FAT3: variants seen among roughly 807,000 people sequenced by gnomAD.
FAT3 encodes FAT atypical cadherin 3.
FAT3 carries 95 observed loss-of-function variants against 310.2 expected under a neutral mutation model. The observed-to-expected ratio is 0.31, with a 90% CI of 0.26 to 0.36. The LOEUF (loss-of-function observed/expected upper bound fraction) is 0.36, where lower values mean the gene tolerates loss of function less well. Among genes scored for constraint, FAT3 ranks in the 10% least tolerant of loss-of-function variants. The pLI, the probability that FAT3 is intolerant of heterozygous loss-of-function variation, is 1.00. For synonymous variants in FAT3, 2,314 were observed against 2,192.9 expected (o/e 1.06, Z -1.54); for missense variants, 5,408 against 5,715.6 (o/e 0.95, Z 1.74).
rs1949262695 is a variant in FAT3, at chr11:92,866,931, T to C, written c.11849T>C (p.Leu3950Pro). Residue 3950 changes from leucine to proline, a missense_variant, in exon 22 of 28, where the codon CTG becomes CCG. Around this residue, in one of 5 missense-constraint regions of FAT3, gnomAD observed 4,588 missense variants for 4,809.8 expected, o/e 0.95. Transcript: ENST00000525166. ...CGGGCGCCCCTCTACTTCCAGACGCTGAGCACTGAGAGTAGCATCTACTTC... is the reference window on the plus strand; with the variant it reads ...CGGGCGCCCCTCTACTTCCAGACGCCGAGCACTGAGAGTAGCATCTACTTC... Reference protein sequence around the residue: ...RRRAPLYFQTLSTESSIYFGA... With the variant: ...RRRAPLYFQTPSTESSIYFGA... The C allele has an allele frequency of 2.5e-6, 4 of 1,613,758 alleles. No homozygotes were observed. In the South Asian group the frequency reaches 3.3e-5, roughly 13 times the overall value.
At chr11:92,609,065 C>T (rs1317692714) in intron 3 of FAT3, among the ~76,000 whole-genome samples, 8 of 152,276 alleles carry the variant, frequency 5.3e-5, no homozygotes, top group East Asian at 3.9e-4. Flanking sequence ...CTGTTTCAAA[C>T]GCTCTTTACA....
At chr11:92,802,525 A>G (rs972048910) in intron 10 of FAT3, among the ~76,000 whole-genome samples, 5 of 152,224 alleles carry the variant, frequency 3.3e-5, no homozygotes, top group African/African-American at 1.2e-4. Context: ...AGACAAAGTC[A>G]GTCATTAGGA....
At chr11:92,558,671 T>C (rs1955106683) in intron 3 of FAT3, among the ~76,000 whole-genome samples, 1 of 152,146 alleles carries the variant, frequency 6.6e-6, no homozygotes, top group Admixed American at 6.5e-5. Flanking sequence ...AAATTGTTTG[T>C]GTAGTGTTTT....
At chr11:92,252,528 A>C (rs1377705415) in intron 1 of FAT3, among the ~76,000 whole-genome samples, 1 of 152,142 alleles carries the variant, frequency 6.6e-6, no homozygotes, top group Non-Finnish European at 1.5e-5. Context: ...GATGACATCA[A>C]AGAGAGAACA....
intron 13 of FAT3, among the ~76,000 whole-genome samples, chr11:92,825,570 G>A (rs1948080982): frequency 6.6e-6 from 1 of 152,108 alleles, no homozygotes; most frequent in Non-Finnish European, 1.5e-5. Context: ...AGATGTGTGG[G>A]GGGCCTTCAG....
chr11:92,553,677 CTT>C, intron 3 of FAT3, among the ~76,000 whole-genome samples: 1 of 31,980 alleles, frequency 3.1e-5, no homozygotes. Context: ...ATCTCCGTCC[CTT>C]CCTTCCTTCC....
chr11:92,824,046 C>T (rs976729046), intron 13 of FAT3, among the ~76,000 whole-genome samples: 1 of 152,074 alleles, frequency 6.6e-6, no homozygotes, highest in African/African-American at 2.4e-5. Flanking sequence ...ATTTTGTTTG[C>T]TTAATTTAAG....
intron 1 of FAT3, among the ~76,000 whole-genome samples, chr11:92,255,951 G>C (rs963648348): frequency 6.6e-6 from 1 of 152,120 alleles, no homozygotes; most frequent in East Asian, 1.9e-4. Context: ...AAATGTGGAG[G>C]TGACATCTAC....
intron 13 of FAT3, among the ~76,000 whole-genome samples, chr11:92,829,399 T>C (rs1948182330): frequency 6.6e-6 from 1 of 152,334 alleles, no homozygotes; most frequent in Non-Finnish European, 1.5e-5. Context: ...GTGCTGTATT[T>C]ATGTCAATCG....
chr11:92,601,796 G>A (rs1390940066), intron 3 of FAT3, among the ~76,000 whole-genome samples: 12 of 152,100 alleles, frequency 7.9e-5, no homozygotes, highest in Non-Finnish European at 1.5e-5. Context: ...AGAGTTTAGG[G>A]TTGAAATAAA....
chr11:92,656,093 G>A (rs1942571469), intron 3 of FAT3, among the ~76,000 whole-genome samples: 1 of 152,120 alleles, frequency 6.6e-6, no homozygotes, highest in African/African-American at 2.4e-5. Flanking sequence ...GGGGTTATGA[G>A]CCCCTAGAAC....
At chr11:92,361,776 G>C (rs1323590318) in intron 2 of FAT3, among the ~76,000 whole-genome samples, 1 of 152,220 alleles carries the variant, frequency 6.6e-6, no homozygotes, top group Admixed American at 6.5e-5. Flanking sequence ...GACATAGCAC[G>C]TGACAGCTCT....
intron 3 of FAT3, among the ~76,000 whole-genome samples, chr11:92,677,255 T>C (rs543675146): frequency 3.0e-4 from 45 of 152,280 alleles, no homozygotes; most frequent in Non-Finnish European, 5.3e-4. Context: ...AGTGACATGA[T>C]AGAAGAAAAG....
At chr11:92,385,927 C>G (rs1355275505) in intron 2 of FAT3, among the ~76,000 whole-genome samples, 2 of 152,036 alleles carry the variant, frequency 1.3e-5, no homozygotes, top group East Asian at 3.9e-4. Context: ...GGGCGGATCA[C>G]TTGAGTCCAG....
intron 3 of FAT3, among the ~76,000 whole-genome samples, chr11:92,543,759 C>T (rs1954526762): frequency 6.6e-6 from 1 of 152,088 alleles, no homozygotes; most frequent in African/African-American, 2.4e-5. Flanking sequence ...ATTGTTCTGC[C>T]TTGATTTGTA....
chr11:92,624,732 C>T (rs1050243832), intron 3 of FAT3, among the ~76,000 whole-genome samples: 1 of 152,126 alleles, frequency 6.6e-6, no homozygotes, highest in Non-Finnish European at 1.5e-5. Context: ...TTTTAGTTTG[C>T]TGGGGCTGCT....
intron 13 of FAT3, among the ~76,000 whole-genome samples, chr11:92,810,569 T>C (rs1433328941): frequency 1.3e-5 from 2 of 152,226 alleles, no homozygotes; most frequent in African/African-American, 4.8e-5. Flanking sequence ...CTAAATGTGC[T>C]GCCAGTCCAA....
chr11:92,624,932 C>G (rs1264529517), intron 3 of FAT3, among the ~76,000 whole-genome samples: 1 of 152,192 alleles, frequency 6.6e-6, no homozygotes, highest in African/African-American at 2.4e-5. Context: ...CTTCACATCA[C>G]CTTCCTCTAT....
At chr11:92,305,278 T>C (rs1407224412) in intron 1 of FAT3, among the ~76,000 whole-genome samples, 1 of 152,254 alleles carries the variant, frequency 6.6e-6, no homozygotes, top group African/African-American at 2.4e-5. Flanking sequence ...ATTTTCATAG[T>C]TGTTTTTCTT....
Sources: gnomAD v4.1 joint callset for allele counts (sites outside exome capture counted in the v4.1 genomes callset) on GRCh38, gnomAD v4.1.1 for gene constraint, gnomAD v4.1.1 regional missense constraint, MANE v1.5 for transcripts, NCBI Gene and HGNC (gene_info 2026-07-23, HGNC 2026-07-21) for gene names.